SCTR: variants seen among roughly 807,000 people sequenced by gnomAD.
SCTR encodes the protein secretin receptor.
Under a neutral mutation model 60.8 loss-of-function variants are expected in SCTR, and 56 were observed. The observed-to-expected ratio is 0.92, with a 90% CI of 0.74 to 1.15. The LOEUF is 1.15. Ranked by LOEUF, SCTR falls within the 50% of genes most tolerant of loss-of-function variation. The probability of loss-of-function intolerance (pLI) is 0.00; values close to 1 mark genes in which losing one functional copy is unlikely to be tolerated. For synonymous variants in SCTR, 202 were observed against 217.0 expected, an observed-to-expected ratio of 0.93 and a Z score of 0.61; for missense variants, 562 against 550.4, an observed-to-expected ratio of 1.02 and a Z score of -0.21.
At chr2:119,514,284 G>GA (rs1210490935) in intron 1 of SCTR, among the ~76,000 whole-genome samples, 17 of 152,316 alleles carry the variant, frequency 1.1e-4, no homozygotes, top group Non-Finnish European at 1.9e-4. Context: ...GACCAAAGGA[G>GA]AAAACCTAAC....
At chr2:119,473,781 C>T (rs76500185) in intron 3 of SCTR, among the ~76,000 whole-genome samples, 2,322 of 152,282 alleles carry the variant, frequency 0.015, 64 homozygotes, top group African/African-American at 0.053. Flanking sequence ...GCACACACCA[C>T]GTGCCAGTCC....
chr2:119,514,289 C>T (rs1185060450), intron 1 of SCTR, among the ~76,000 whole-genome samples: 1 of 152,154 alleles, frequency 6.6e-6, no homozygotes, highest in East Asian at 1.9e-4. Flanking sequence ...AAGGAGAAAA[C>T]CTAACCAGGT....
intron 6 of SCTR, 88 bp from the exon 7 acceptor site, chr2:119,462,088 T>A: frequency 7.4e-7 from 1 of 1,350,730 alleles, no homozygotes; most frequent in Non-Finnish European, 1.0e-6. Context: ...CAGGGTGTTG[T>A]AGGGGCAGGA....
chr2:119,475,063 C>T (rs1677209065), intron 3 of SCTR, among the ~76,000 whole-genome samples: 1 of 152,236 alleles, frequency 6.6e-6, no homozygotes, highest in South Asian at 2.1e-4. Context: ...AATGCCTAGG[C>T]TGGTGCCAGG....
At chr2:119,465,387 G>A (rs1683789213) in intron 5 of SCTR, among the ~76,000 whole-genome samples, 1 of 152,198 alleles carries the variant, frequency 6.6e-6, no homozygotes, top group South Asian at 2.1e-4. Context: ...ATCCAGCCAT[G>A]CCTACAGCAG....
intron 7 of SCTR, among the ~76,000 whole-genome samples, chr2:119,458,464 G>C (rs904763823): frequency 1.3e-5 from 2 of 152,070 alleles, no homozygotes; most frequent in African/African-American, 2.4e-5. Context: ...AGCTGGGTGT[G>C]GTGGTGGGCA....
intron 1 of SCTR, among the ~76,000 whole-genome samples, chr2:119,514,950 C>T (rs1461434720): frequency 6.6e-6 from 1 of 152,044 alleles, no homozygotes; most frequent in Non-Finnish European, 1.5e-5. Flanking sequence ...TAATTACTTG[C>T]CTAACAACCA....
At chr2:119,469,665 A>AT (rs1169420076) in intron 4 of SCTR, among the ~76,000 whole-genome samples, 2 of 151,828 alleles carry the variant, frequency 1.3e-5, no homozygotes, top group African/African-American at 4.8e-5. Flanking sequence ...ACTTAAAAAA[A>AT]TTTTTTTTGT....
intron 8 of SCTR, 87 bp from the exon 9 acceptor site, chr2:119,452,166 T>G: frequency 1.2e-6 from 1 of 802,398 alleles, no homozygotes; most frequent in Non-Finnish European, 2.1e-6. Context: ...GAGGTGGCCC[T>G]TGGTATGAAG....
intron 2 of SCTR, among the ~76,000 whole-genome samples, chr2:119,489,936 C>T (rs1311141831): frequency 6.6e-6 from 1 of 152,176 alleles, no homozygotes; most frequent in Non-Finnish European, 1.5e-5. Flanking sequence ...CACCATCAGC[C>T]CCACCAGAGA....
chr2:119,478,668 A>C, intron 3 of SCTR, 143 bp downstream of exon 3: 2 of 716,038 alleles, frequency 2.8e-6, no homozygotes, highest in Non-Finnish European at 4.6e-6. Flanking sequence ...CAAGGCTTCT[A>C]ATCCTTTGCA....
chr2:119,472,590 C>G (rs907389635), intron 4 of SCTR, among the ~76,000 whole-genome samples: 5 of 152,178 alleles, frequency 3.3e-5, no homozygotes, highest in African/African-American at 1.2e-4. Context: ...TGCAGCCGGA[C>G]TCCCTCCTTG....
At chr2:119,502,984 T>A (rs1350109339) in intron 1 of SCTR, among the ~76,000 whole-genome samples, 5 of 63,368 alleles carry the variant, frequency 7.9e-5, no homozygotes, top group African/African-American at 2.1e-4. Flanking sequence ...ACCTCATCTC[T>A]ACTAAAAAAA....
intron 6 of SCTR, 128 bp downstream of exon 6, chr2:119,463,995 A>T: frequency 1.0e-6 from 1 of 967,252 alleles, no homozygotes; most frequent in Non-Finnish European, 1.6e-6. Flanking sequence ...TGGCTGCTTT[A>T]TCCTTGGTAT....
Position 119,453,347 on chromosome 2 carries a change from C to T in SCTR, c.791G>A (p.Gly264Asp), listed in dbSNP as rs149745084. The T allele has an allele frequency of 3.7e-6, 6 of 1,612,746 alleles. No homozygotes were observed. In the African/African-American group the frequency reaches 6.7e-5, roughly 18 times the overall value. Residue 264 changes from glycine (G) to aspartate (D), a missense_variant and splice_region_variant, in exon 8 of 13, where the codon GGT becomes GAT. Transcript: ENST00000019103. Reference protein sequence around the residue: ...YLQGFVAFGWGSPAIFVALWA... With the variant: ...YLQGFVAFGWDSPAIFVALWA... ...CAAAGCAACAAAAATGGCTGGAGAA[C>T]CTGAGGATTAAAAACAAAGGGAGGG...
chr2:119,465,413 C>A (rs1382416254), intron 5 of SCTR, among the ~76,000 whole-genome samples: 1 of 152,172 alleles, frequency 6.6e-6, no homozygotes, highest in Non-Finnish European at 1.5e-5. Context: ...CATGAACTTG[C>A]CACTTACATG....
At chr2:119,448,162 G>A (rs1366165431) in intron 10 of SCTR, among the ~76,000 whole-genome samples, 2 of 152,150 alleles carry the variant, frequency 1.3e-5, no homozygotes, top group Admixed American at 1.3e-4. Context: ...CAAACCTGTC[G>A]ACACCTTGAT....
intron 9 of SCTR, among the ~76,000 whole-genome samples, chr2:119,449,995 AGAAAG>A (rs1683087580): frequency 1.6e-5 from 2 of 126,780 alleles, no homozygotes; most frequent in Non-Finnish European, 3.5e-5. Context: ...GAAGGAAGGA[AGAAAG>A]AGGGAGGGAG....
chr2:119,487,336 C>A (rs1017481012), intron 2 of SCTR: 1 of 152,164 alleles, frequency 6.6e-6, no homozygotes, highest in South Asian at 2.1e-4. Context: ...AAAAAAGGTA[C>A]AAAATAAAAA....
Sources: allele counts gnomAD v4.1 joint callset (sites outside exome capture counted in the v4.1 genomes callset), GRCh38; gene constraint gnomAD v4.1.1; transcripts MANE v1.5; gene names NCBI Gene and HGNC (gene_info 2026-07-23, HGNC 2026-07-21).